ADGRV1: variants seen among roughly 807,000 people sequenced by gnomAD.
ADGRV1 encodes the protein G-protein coupled receptor 98.
Under a neutral mutation model 596.2 loss-of-function variants are expected in ADGRV1, and 359 were observed. The ratio of observed to expected loss-of-function variants is 0.60; its 90% confidence interval spans 0.55 to 0.66. The LOEUF is 0.66. Ranked by LOEUF, ADGRV1 falls within the 30% of genes least tolerant of loss-of-function variation. The pLI is 0.00. For synonymous variants in ADGRV1, 2,681 were observed against 2,679.2 expected (o/e 1.00, Z -0.02); for missense variants, 7,274 against 7,575.6 (o/e 0.96, Z 1.48).
At chr5:90,746,677 A>G (rs184300155) in intron 52 of ADGRV1, among the ~76,000 whole-genome samples, 165 of 152,256 alleles carry the variant, frequency 1.1e-3, no homozygotes, top group African/African-American at 3.0e-3. Flanking sequence ...TAAGGTTACT[A>G]TGTTCTGCTC....
intron 29 of ADGRV1, among the ~76,000 whole-genome samples, chr5:90,686,210 A>G (rs970297314): frequency 4.1e-5 from 6 of 144,954 alleles, no homozygotes; most frequent in Non-Finnish European, 6.1e-5. Context: ...TTTTATTTTT[A>G]TTTTTATTTT....
chr5:91,145,927 T>C (rs1274166998), intron 87 of ADGRV1, among the ~76,000 whole-genome samples: 1 of 152,212 alleles, frequency 6.6e-6, no homozygotes, highest in Non-Finnish European at 1.5e-5. Context: ...AAAAGTTGTT[T>C]GTAATTCTTA....
chr5:90,606,616 C>G lies in ADGRV1; in HGVS notation c.23-8219C>G, dbSNP rs539115510. Among the ~76,000 whole-genome samples the G allele has an allele frequency of 2.4e-3, 362 of 152,312 alleles. 2 individuals are homozygous for G. The highest frequency in any genetic ancestry group is 5.9e-3 in the Admixed American group (91 of 15,302). On this transcript the variant is annotated intron_variant, in intron 1 of 89. Coordinates refer to ENST00000405460, the MANE Select transcript of ADGRV1 (RefSeq NM_032119.4). Reference sequence around the variant, plus strand: ...TACACACCATAATTATTGTAGAACTCATCAATAAAATGGCAGTTTCCATTG... The same window carrying G: ...TACACACCATAATTATTGTAGAACTGATCAATAAAATGGCAGTTTCCATTG...
chr5:90,694,355 G>C lies in ADGRV1; in HGVS notation c.7599G>C (p.Glu2533Asp), dbSNP rs750215775. 6.2e-7 allele frequency: 1 copy of C among 1,613,868 alleles called. No homozygotes were observed. The highest frequency in any genetic ancestry group is 1.7e-5 in the Admixed American group (1 of 59,968). ...TVSILPDDFPEMDESFLISLL... is the reference protein window; with the variant it reads ...TVSILPDDFPDMDESFLISLL... ...CTATTCTTCCTGATGATTTCCCAGA[G>C]ATGGATGAGAGTTTTCTAATTTCTC... The change falls in exon 33 of 90, where the codon GAG becomes GAC. Residue 2533 changes from glutamate to aspartate, a missense_variant. Coordinates refer to ENST00000405460, the MANE Select transcript of ADGRV1 (RefSeq NM_032119.4).
intron 88 of ADGRV1, among the ~76,000 whole-genome samples, chr5:91,150,698 C>G (rs1795978893): frequency 6.6e-6 from 1 of 152,200 alleles, no homozygotes; most frequent in East Asian, 1.9e-4. Context: ...TAAGCCAAAC[C>G]TCTTTTCAAT....
intron 85 of ADGRV1, among the ~76,000 whole-genome samples, chr5:91,015,010 G>A (rs560008524): frequency 1.4e-4 from 22 of 152,020 alleles, no homozygotes; most frequent in Admixed American, 1.2e-3. Flanking sequence ...TTTGATGTGG[G>A]CATTTAGTGC....
intron 1 of ADGRV1, among the ~76,000 whole-genome samples, chr5:90,598,046 A>G (rs1438126725): frequency 6.6e-6 from 1 of 152,248 alleles, no homozygotes; most frequent in Non-Finnish European, 1.5e-5. Context: ...TATACTATTC[A>G]TTTTCAGTAA....
At position 90,653,947 on chromosome 5, in the gene ADGRV1, C is replaced by G. The variant is rs562424836; in HGVS notation, c.4373C>G (p.Thr1458Ser). ...GIKSLKGEAI[T>S]DGPGILRIGA... ...AAGAGTCTGAAAGGAGAAGCCATTA[C>G]TGACGGTGAGGGTCATCATCACAAC... Residue 1458 changes from threonine to serine, a missense_variant, in exon 20 of 90, where the codon ACT (threonine) becomes AGT (serine). Physicochemically the swap from Thr to Ser is moderately conservative, Grantham distance 58. This residue lies in a region of ADGRV1 where 38 missense variants were observed against 66.7 expected (regional missense o/e 0.57). Transcript: ENST00000405460. 2.3e-5 allele frequency: 36 copies of G among 1,555,040 alleles called. No homozygotes were observed. The highest frequency in any genetic ancestry group is 3.0e-5 in the Non-Finnish European group (34 of 1,148,630).
intron 87 of ADGRV1, among the ~76,000 whole-genome samples, chr5:91,138,351 TTTTC>T (rs1794816922): frequency 6.6e-6 from 1 of 152,210 alleles, no homozygotes; most frequent in Non-Finnish European, 1.5e-5. Context: ...CTTCTCTGTA[TTTTC>T]TTTCTTTCTT....
At chr5:90,573,296 T>C (rs888988368) in intron 1 of ADGRV1, among the ~76,000 whole-genome samples, 4 of 152,188 alleles carry the variant, frequency 2.6e-5, no homozygotes, top group Non-Finnish European at 5.9e-5. Context: ...TGGAGACTTA[T>C]CTAAATTACA....
chr5:90,629,537 C>A lies in ADGRV1; in HGVS notation c.1837C>A (p.Gln613Lys), dbSNP rs199587998. ...FLQNGAHFLV[Q>K]LETVELLNII... Reference sequence around the variant, plus strand: ...TCAAAATGGAGCTCACTTTCTAGTACAGGTACTTGTATGATTAAAATAATC... The same window carrying A: ...TCAAAATGGAGCTCACTTTCTAGTAAAGGTACTTGTATGATTAAAATAATC... Residue 613 changes from glutamine to lysine, a missense_variant and splice_region_variant, in exon 9 of 90, where the codon CAG (glutamine) becomes AAG (lysine). This residue lies in a region of ADGRV1 where 1,715 missense variants were observed against 1,708.8 expected (regional missense o/e 1.00). Transcript: ENST00000405460. The A allele has an allele frequency of 1.0e-3, 1,593 of 1,598,244 alleles. 1 individual carries two copies. The highest frequency in any genetic ancestry group is 1.3e-3 in the Non-Finnish European group (1,515 of 1,169,676).
intron 85 of ADGRV1, among the ~76,000 whole-genome samples, chr5:90,997,085 G>T (rs1781479351): frequency 6.6e-6 from 1 of 152,204 alleles, no homozygotes; most frequent in Non-Finnish European, 1.5e-5. Context: ...AGTTAATGCT[G>T]AAATGAGTTA....
chr5:90,652,008 TC>T (rs1427451622), intron 18 of ADGRV1, among the ~76,000 whole-genome samples: 1 of 151,922 alleles, frequency 6.6e-6, no homozygotes, highest in Non-Finnish European at 1.5e-5. Context: ...TTCAAGATCT[TC>T]AGGAACTCTT....
At chr5:90,854,880 C>A (rs548936313) in intron 81 of ADGRV1, among the ~76,000 whole-genome samples, 3 of 152,134 alleles carry the variant, frequency 2.0e-5, no homozygotes, top group Admixed American at 2.0e-4. Context: ...AGTTTGGTAA[C>A]CAACTTTCCT....
At chr5:90,711,425 T>G in intron 41 of ADGRV1, 103 bp downstream of exon 41, 3 of 831,292 alleles carry the variant, frequency 3.6e-6, no homozygotes, top group South Asian at 6.5e-5. Flanking sequence ...AAATTATTCT[T>G]AAAAACCATT....
At chr5:90,923,366 G>A (rs911110791) in intron 83 of ADGRV1, among the ~76,000 whole-genome samples, 27 of 151,990 alleles carry the variant, frequency 1.8e-4, no homozygotes, top group African/African-American at 6.5e-4. Context: ...ACACAATTTA[G>A]AAATTTTCTT....
rs376373741 is a variant in ADGRV1, at chr5:91,163,865, C to G, written c.18886C>G (p.Leu6296Val). ...CTTGACTGACTCCCAGATCGTGGAG[C>G]TCAGGAGGATACCCATCGCCGACAC... ...GTLTDSQIVE[L>V]RRIPIADTHL The change falls in exon 90 of 90, where the codon CTC (leucine) becomes GTC (valine). Residue 6296 changes from leucine (L) to valine (V), a missense_variant. Around this residue, in one of 5 missense-constraint regions of ADGRV1, gnomAD observed 1,874 missense variants for 1,970.2 expected, o/e 0.95. Coordinates refer to ENST00000405460, the MANE Select transcript of ADGRV1 (RefSeq NM_032119.4). The G allele has an allele frequency of 1.9e-6, 3 of 1,601,886 alleles. No homozygotes were observed. Among genetic ancestry groups the G allele is most frequent in the Non-Finnish European group, 1.7e-6 (2 of 1,170,742 alleles).
intron 1 of ADGRV1, among the ~76,000 whole-genome samples, chr5:90,577,746 T>C (rs1757424201): frequency 6.6e-6 from 1 of 152,240 alleles, no homozygotes; most frequent in African/African-American, 2.4e-5. Flanking sequence ...TTCCTATCCA[T>C]GAGCATGGAA....
chr5:90,569,373 ATATATATATATATATTTTTT>A (rs1756119390), intron 1 of ADGRV1, among the ~76,000 whole-genome samples: 1 of 20,364 alleles, frequency 4.9e-5, no homozygotes, highest in African/African-American at 2.4e-4. Context: ...ATATATATAT[ATATATATATATATATTTTTT>A]TTTTTTTTTT....
Sources: gnomAD v4.1 joint callset for allele counts (sites outside exome capture counted in the v4.1 genomes callset) on GRCh38, gnomAD v4.1.1 for gene constraint, gnomAD v4.1.1 regional missense constraint, MANE v1.5 for transcripts, NCBI Gene and HGNC (gene_info 2026-07-23, HGNC 2026-07-21) for gene names.